Variants in DPP10 observed in about 807,000 individuals in gnomAD.
The protein encoded by DPP10 is dipeptidyl peptidase like 10.
DPP10 carries 33 observed loss-of-function variants against 120.9 expected under a neutral mutation model. That is an observed-to-expected ratio of 0.27 (90% confidence interval 0.21 to 0.37). The LOEUF (loss-of-function observed/expected upper bound fraction) is 0.37. DPP10 is among the 10% of genes least tolerant of loss of function. The probability of loss-of-function intolerance (pLI) is 1.00; values close to 1 mark genes in which losing one functional copy is unlikely to be tolerated. For synonymous variants in DPP10, 337 were observed against 326.1 expected (o/e 1.03, Z -0.36); for missense variants, 816 against 942.8 (o/e 0.87, Z 1.76).
At chr2:114,584,541 C>T (rs1421794690) in intron 1 of DPP10, among the ~76,000 whole-genome samples, 1 of 107,616 alleles carries the variant, frequency 9.3e-6, no homozygotes, top group African/African-American at 3.5e-5. Flanking sequence ...GCTATCCCTC[C>T]CCCCTCCCCC....
At chr2:115,535,202 A>G (rs1035839192) in intron 5 of DPP10, among the ~76,000 whole-genome samples, 3 of 151,738 alleles carry the variant, frequency 2.0e-5, no homozygotes, top group African/African-American at 7.3e-5. Flanking sequence ...CTATGTCCTG[A>G]ATGGTATTGC....
chr2:115,796,424 G>A (rs75419552), intron 19 of DPP10, among the ~76,000 whole-genome samples: 2,988 of 152,186 alleles, frequency 0.02, 90 homozygotes, highest in African/African-American at 0.067. Context: ...ATAAATGAAT[G>A]AATATATGAA....
At chr2:115,676,113 G>A (rs1446097290) in intron 5 of DPP10, among the ~76,000 whole-genome samples, 1 of 152,154 alleles carries the variant, frequency 6.6e-6, no homozygotes, top group Non-Finnish European at 1.5e-5. Context: ...ACCACAACCA[G>A]CAATTACATT....
intron 4 of DPP10, among the ~76,000 whole-genome samples, chr2:115,509,831 A>G (rs529847870): frequency 1.3e-5 from 2 of 152,154 alleles, no homozygotes; most frequent in African/African-American, 2.4e-5. Flanking sequence ...TAGCAATGGT[A>G]TAAGAGGGGC....
intron 1 of DPP10, among the ~76,000 whole-genome samples, chr2:115,087,533 C>CTTTTTTTTT (rs1310507943): frequency 2.2e-5 from 2 of 92,612 alleles, no homozygotes; most frequent in African/African-American, 7.3e-5. Flanking sequence ...CTTTTCTTTT[C>CTTTTTTTTT]TTTTCTTTTT....
chr2:115,644,427 C>T (rs2087055938), intron 5 of DPP10, among the ~76,000 whole-genome samples: 1 of 151,846 alleles, frequency 6.6e-6, no homozygotes, highest in Non-Finnish European at 1.5e-5. Context: ...GTTTTTTGTC[C>T]TTGCGATAGT....
At chr2:114,539,769 G>A (rs1206620489) in intron 1 of DPP10, among the ~76,000 whole-genome samples, 6 of 152,236 alleles carry the variant, frequency 3.9e-5, no homozygotes, top group Admixed American at 3.9e-4. Flanking sequence ...ATAAATATTT[G>A]TTAAATGATT....
intron 1 of DPP10, among the ~76,000 whole-genome samples, chr2:114,788,830 C>G (rs950596994): frequency 6.6e-6 from 1 of 152,106 alleles, no homozygotes; most frequent in Admixed American, 6.5e-5. Flanking sequence ...TATTTTTCCA[C>G]CACACCTGTC....
intron 1 of DPP10, among the ~76,000 whole-genome samples, chr2:114,950,775 G>GA (rs1162249092): frequency 6.6e-6 from 1 of 152,014 alleles, no homozygotes; most frequent in Non-Finnish European, 1.5e-5. Context: ...TTCAAACACT[G>GA]AAAAATGTCA....
intron 2 of DPP10, among the ~76,000 whole-genome samples, chr2:115,324,231 G>A (rs536184821): frequency 3.9e-5 from 6 of 152,160 alleles, no homozygotes; most frequent in African/African-American, 7.2e-5. Flanking sequence ...AGCTGAGATC[G>A]CACCATTACA....
chr2:115,288,208 T>G (rs2060483536), intron 1 of DPP10, among the ~76,000 whole-genome samples: 1 of 152,116 alleles, frequency 6.6e-6, no homozygotes. Context: ...ATTTTTTTTT[T>G]CATAATGACC....
chr2:114,633,706 T>A (rs1337603933), intron 1 of DPP10, among the ~76,000 whole-genome samples: 1 of 151,702 alleles, frequency 6.6e-6, no homozygotes, highest in Admixed American at 6.6e-5. Flanking sequence ...CTCCGCCTCC[T>A]GAGTTGAAGC....
chr2:115,619,518 CT>C (rs1191867053), intron 5 of DPP10, among the ~76,000 whole-genome samples: 1 of 152,188 alleles, frequency 6.6e-6, no homozygotes, highest in East Asian at 1.9e-4. Context: ...ATTCTCGCAT[CT>C]TTTTCTTGAG....
At chr2:115,753,604 T>C (rs776075475) in intron 11 of DPP10, among the ~76,000 whole-genome samples, 11 of 152,182 alleles carry the variant, frequency 7.2e-5, no homozygotes, top group Non-Finnish European at 1.3e-4. Flanking sequence ...TTTTTCTCCA[T>C]ATTTTGTCTT....
intron 7 of DPP10, among the ~76,000 whole-genome samples, chr2:115,723,507 A>G (rs2092693876): frequency 6.6e-6 from 1 of 151,770 alleles, no homozygotes; most frequent in Admixed American, 6.6e-5. Context: ...TTTCATCTTG[A>G]CTCTGACAAT....
intron 1 of DPP10, among the ~76,000 whole-genome samples, chr2:114,858,796 G>A (rs1689570729): frequency 6.6e-6 from 1 of 152,056 alleles, no homozygotes; most frequent in African/African-American, 2.4e-5. Context: ...ACGATCCTAG[G>A]AGGTGCTTTT....
intron 1 of DPP10, among the ~76,000 whole-genome samples, chr2:115,189,810 C>T (rs971774977): frequency 1.3e-5 from 2 of 152,176 alleles, no homozygotes; most frequent in East Asian, 1.9e-4. Context: ...AGAACGAGTA[C>T]ACCTTCTACG....
At chr2:115,399,297 T>G (rs1274277609) in intron 3 of DPP10, among the ~76,000 whole-genome samples, 3 of 152,220 alleles carry the variant, frequency 2.0e-5, no homozygotes, top group African/African-American at 7.2e-5. Context: ...TAATTATTTC[T>G]GTTTCTTTTT....
At chr2:115,025,830 C>G (rs890969975) in intron 1 of DPP10, among the ~76,000 whole-genome samples, 8 of 151,672 alleles carry the variant, frequency 5.3e-5, no homozygotes, top group African/African-American at 1.7e-4. Context: ...GATTTTTTGC[C>G]CATTTTTAAT....
Sources: gnomAD v4.1 joint callset for allele counts (sites outside exome capture counted in the v4.1 genomes callset) on GRCh38, gnomAD v4.1.1 for gene constraint, MANE v1.5 for transcripts, NCBI Gene and HGNC (gene_info 2026-07-23, HGNC 2026-07-21) for gene names.